Variants in MAN2A1 observed in about 807,000 individuals in gnomAD.
MAN2A1 encodes alpha-mannosidase 2.
In MAN2A1, 76 loss-of-function variants were observed where a neutral mutation model predicts 142.6. The ratio of observed to expected loss-of-function variants is 0.53; its 90% CI spans 0.44 to 0.65. The LOEUF is 0.65. Among genes scored for constraint, MAN2A1 ranks in the 30% least tolerant of loss-of-function variants. The pLI is 0.00. For synonymous variants in MAN2A1, 559 were observed against 473.2 expected (o/e 1.18, Z -2.35); for missense variants, 1,311 against 1,365.1 (o/e 0.96, Z 0.62).
At chr5:109,780,128 G>C (rs1385933038) in intron 8 of MAN2A1, among the ~76,000 whole-genome samples, 1 of 152,106 alleles carries the variant, frequency 6.6e-6, no homozygotes, top group Non-Finnish European at 1.5e-5. Flanking sequence ...CGTGATCTCT[G>C]CTCACTGCAA....
chr5:109,832,074 A>T (rs1754921492), intron 16 of MAN2A1, among the ~76,000 whole-genome samples: 1 of 148,678 alleles, frequency 6.7e-6, no homozygotes, highest in Non-Finnish European at 1.5e-5. Context: ...ATGATATATG[A>T]TTTTATTCTT....
intron 5 of MAN2A1, among the ~76,000 whole-genome samples, chr5:109,767,112 A>C (rs2112645395): frequency 6.6e-6 from 1 of 152,312 alleles, no homozygotes; most frequent in Middle Eastern, 3.4e-3. Flanking sequence ...GGGAAATGTA[A>C]GTTGAAATAG....
At chr5:109,809,950 T>C (rs922977990) in intron 12 of MAN2A1, among the ~76,000 whole-genome samples, 2 of 152,170 alleles carry the variant, frequency 1.3e-5, no homozygotes, top group African/African-American at 4.8e-5. Flanking sequence ...GTATGTTTTT[T>C]ATTGACTTCT....
At chr5:109,708,541 CACACAT>C (rs1161146596) in intron 1 of MAN2A1, among the ~76,000 whole-genome samples, 7 of 151,450 alleles carry the variant, frequency 4.6e-5, no homozygotes, top group South Asian at 2.1e-4. Context: ...CACACACACA[CACACAT>C]GAGAAGGGAG....
chr5:109,864,852 A>C (rs12656073), intron 20 of MAN2A1, 184 bp from the exon 21 acceptor site: 130,271 of 598,996 alleles, frequency 0.22, 19,017 homozygotes, highest in East Asian at 0.63. Context: ...GCTCAGTACA[A>C]GTAGGAGAGA....
Position 109,722,663 on chromosome 5 carries a change from G to T in MAN2A1, c.535+6399G>T, listed in dbSNP as rs182308306. ...ACTCCTGACCTCAAGTGATCCGTCC[G>T]CCTTGGCCTCCCAAAGTGCTGGGAT... On this transcript the variant is annotated intron_variant, in intron 3 of 21. Coordinates refer to ENST00000261483, the MANE Select transcript of MAN2A1 (RefSeq NM_002372.4). Among the ~76,000 whole-genome samples the T allele has an allele frequency of 2.8e-4, 42 of 152,160 alleles. No homozygotes were observed. The East Asian group carries it at 7.1e-3, about 26-fold the overall frequency.
Position 109,867,895 on chromosome 5 carries a change from A to T in MAN2A1, c.*897A>T, listed in dbSNP as rs1755925160. 6.6e-6 allele frequency: 1 copy of T among 151,582 alleles called. No homozygotes were observed. The highest frequency in any genetic ancestry group is 2.4e-5 in the African/African-American group (1 of 41,320). 9.4% of individuals were successfully genotyped at this position (151,582 alleles called of 1,614,324 possible). A position where few individuals can be genotyped will look rare whatever the true frequency, so the allele number is the denominator to read the frequency against. Reference sequence around the variant, plus strand: ...CATATTACTGTTTGGGGAAGGGGGAATGTTGTGGGGTCTGGGAGAGGGTGG... The same window carrying T: ...CATATTACTGTTTGGGGAAGGGGGATTGTTGTGGGGTCTGGGAGAGGGTGG... On this transcript the variant is annotated 3_prime_UTR_variant, in exon 22 of 22. Transcript: ENST00000261483.
At chr5:109,786,353 G>A (rs1011502570) in intron 10 of MAN2A1, among the ~76,000 whole-genome samples, 1 of 151,994 alleles carries the variant, frequency 6.6e-6, no homozygotes, top group African/African-American at 2.4e-5. Flanking sequence ...ACATAGAAAA[G>A]TCATTTTCCT....
At chr5:109,780,504 C>T (rs1002693289) in intron 8 of MAN2A1, among the ~76,000 whole-genome samples, 1 of 144,484 alleles carries the variant, frequency 6.9e-6, no homozygotes, top group Non-Finnish European at 1.5e-5. Context: ...AAATGACTTG[C>T]AATATCTGTG....
chr5:109,735,952 G>T (rs1178628576), intron 4 of MAN2A1, among the ~76,000 whole-genome samples: 1 of 147,220 alleles, frequency 6.8e-6, no homozygotes, highest in African/African-American at 2.5e-5. Context: ...GAAGTGAAGG[G>T]TATATTTTCT....
chr5:109,777,731 G>T (rs1023069071), intron 8 of MAN2A1, among the ~76,000 whole-genome samples: 3 of 152,004 alleles, frequency 2.0e-5, no homozygotes, highest in African/African-American at 7.2e-5. Context: ...GAAATGGATT[G>T]CTGTGAATTG....
rs1338272978 is a variant in MAN2A1 at position 109,867,062 on chromosome 5, A to G, written c.*64A>G. ...TATACCTTTCTTGGTTTGACGTGCA[A>G]TAAAGAAGCACATTATTTTAGCTTC... On this transcript the variant is annotated 3_prime_UTR_variant, in exon 22 of 22. Transcript: ENST00000261483. 9.0e-6 allele frequency: 12 copies of G among 1,331,774 alleles called. No individual in the cohort carries two copies. The highest frequency in any genetic ancestry group is 4.8e-5 in the South Asian group (3 of 62,436). 82.5% of individuals were successfully genotyped at this position (1,331,774 alleles called of 1,614,324 possible).
chr5:109,816,259 A>G (rs1470784649), intron 12 of MAN2A1, among the ~76,000 whole-genome samples: 2 of 152,256 alleles, frequency 1.3e-5, no homozygotes. Flanking sequence ...CCATCATGTA[A>G]AAATTAAATG....
chr5:109,716,004 GTTTTA>G, intron 2 of MAN2A1, 111 bp from the exon 3 acceptor site: 1 of 627,424 alleles, frequency 1.6e-6, no homozygotes, highest in Non-Finnish European at 2.5e-6. Flanking sequence ...TACAGAAATA[GTTTTA>G]TTTTATAAAA....
Position 109,867,002 on chromosome 5 carries a change from T to A in MAN2A1, c.*4T>A, listed in dbSNP as rs760199617. The A allele has an allele frequency of 2.5e-6, 4 of 1,605,454 alleles. No homozygotes were observed. The South Asian group carries it at 4.5e-5, about 18-fold the overall frequency. On this transcript the variant is annotated 3_prime_UTR_variant, in exon 22 of 22. Coordinates refer to ENST00000261483, the MANE Select transcript of MAN2A1 (RefSeq NM_002372.4). ...ATTCCGAATCCAGTTGAGGTGAACC[T>A]GACTTTCACATTTGGATTGAGAATC...
chr5:109,827,379 A>G (rs1191868376), intron 16 of MAN2A1, among the ~76,000 whole-genome samples: 5 of 152,238 alleles, frequency 3.3e-5, no homozygotes. Flanking sequence ...ATATTCTTAC[A>G]TTTCTCAGTC....
At chr5:109,780,062 T>G (rs574708734) in intron 8 of MAN2A1, among the ~76,000 whole-genome samples, 84 of 152,230 alleles carry the variant, frequency 5.5e-4, no homozygotes, top group African/African-American at 1.7e-3. Flanking sequence ...GTAAGTTTTT[T>G]TTTGTTTGTT....
At chr5:109,697,274 A>G (rs1250040668) in intron 1 of MAN2A1, among the ~76,000 whole-genome samples, 1 of 152,242 alleles carries the variant, frequency 6.6e-6, no homozygotes, top group Admixed American at 6.5e-5. Context: ...TTCTGGTTAC[A>G]ACATTTTAAA....
intron 1 of MAN2A1, among the ~76,000 whole-genome samples, chr5:109,697,306 A>T (rs1750842616): frequency 6.6e-6 from 1 of 152,224 alleles, no homozygotes; most frequent in Non-Finnish European, 1.5e-5. Context: ...GATGAGAAAA[A>T]GCAGGGAAAG....
Sources: allele counts gnomAD v4.1 joint callset (sites outside exome capture counted in the v4.1 genomes callset), GRCh38; gene constraint gnomAD v4.1.1; transcripts MANE v1.5; gene names NCBI Gene and HGNC (gene_info 2026-07-23, HGNC 2026-07-21).